The following RUFY1 variants were observed in gnomAD, a reference collection of about 807,000 sequenced individuals.
RUFY1 encodes RUN and FYVE domain-containing protein 1.
RUFY1 carries 54 observed loss-of-function variants against 94.6 expected under a neutral mutation model. That is an observed-to-expected ratio of 0.57 (90% CI 0.46 to 0.72). The LOEUF is 0.72. Among genes scored for constraint, RUFY1 ranks in the 30% least tolerant of loss-of-function variants. The pLI is 0.00. For synonymous variants in RUFY1, 396 were observed against 347.3 expected, an observed-to-expected ratio of 1.14 and a Z score of -1.56; for missense variants, 883 against 883.9, an observed-to-expected ratio of 1.00 and a Z score of 0.01.
chr5:179,609,287 AATG>A, intron 17 of RUFY1, 86 bp from the exon 18 acceptor site: 2 of 1,392,896 alleles, frequency 1.4e-6, no homozygotes, highest in Non-Finnish European at 2.0e-6. Flanking sequence ...ATTCCCAGCA[AATG>A]ATGCGCTTCT....
In RUFY1 at chr5:179,560,093, T is replaced by C. The variant is rs769369617; in HGVS notation, c.379T>C (p.Leu127=). The C allele has an allele frequency of 6.8e-6, 11 of 1,614,074 alleles. No homozygotes were observed. The South Asian group carries it at 1.2e-4, about 18-fold the overall frequency. Residue 127 remains leucine, a synonymous_variant, in exon 2 of 18, where the codon TTG becomes CTG. Coordinates refer to ENST00000319449, the MANE Select transcript of RUFY1 (RefSeq NM_025158.5). ...CATGATGAAACTCAGCATCAAGGTG[T>C]TGCTCCAGTCGGCTCTGAGCCTGGG... ...MHMMKLSIKV[L]LQSALSLGRS...
intron 1 of RUFY1, among the ~76,000 whole-genome samples, chr5:179,556,969 C>A (rs1762144579): frequency 6.6e-6 from 1 of 152,126 alleles, no homozygotes; most frequent in Non-Finnish European, 1.5e-5. Context: ...TGAACTCTTT[C>A]CAAGTTATAT....
chr5:179,577,759 T>TGGTCGGGCGGCGGA (rs1487165564), intron 6 of RUFY1, among the ~76,000 whole-genome samples: 7 of 145,034 alleles, frequency 4.8e-5, no homozygotes, highest in Non-Finnish European at 7.5e-5. Flanking sequence ...CACTCACCGG[T>TGGTCGGGCGGCGGA]GGTCGGGCGG....
intron 6 of RUFY1, among the ~76,000 whole-genome samples, chr5:179,577,859 CAAAAAAAAAAA>C (rs35539667): frequency 7.4e-6 from 1 of 134,358 alleles, no homozygotes; most frequent in Non-Finnish European, 1.6e-5. Context: ...TTCTCTGCAG[CAAAAAAAAAAA>C]AAAAAAAAAA....
chr5:179,593,429 T>G, intron 10 of RUFY1, 49 bp from the exon 11 acceptor site: 1 of 1,565,574 alleles, frequency 6.4e-7, no homozygotes, highest in East Asian at 2.3e-5. Context: ...GTTAAATACA[T>G]TTCTGTGATC....
intron 7 of RUFY1, 35 bp downstream of exon 7, chr5:179,581,047 A>T: frequency 7.7e-7 from 1 of 1,298,932 alleles, no homozygotes; most frequent in East Asian, 2.3e-5. Context: ...TGACAGTTAC[A>T]TACTCGGTAT....
chr5:179,575,289 G>A (rs1392014883), intron 5 of RUFY1, among the ~76,000 whole-genome samples: 4 of 152,112 alleles, frequency 2.6e-5, no homozygotes, highest in African/African-American at 4.8e-5. Context: ...AAGAGCGCAC[G>A]TGCTTACAGT....
chr5:179,555,520 C>G (rs1014417003), intron 1 of RUFY1: 14 of 284,378 alleles, frequency 4.9e-5, no homozygotes, highest in Non-Finnish European at 9.9e-5. Flanking sequence ...TGGCAAAACA[C>G]TGCCAGCAGC....
chr5:179,609,293 G>C (rs1057314196), intron 17 of RUFY1, 83 bp from the exon 18 acceptor site: 23 of 1,417,784 alleles, frequency 1.6e-5, no homozygotes, highest in Non-Finnish European at 2.2e-5. Flanking sequence ...AGCAAATGAT[G>C]CGCTTCTGGG....
At chr5:179,608,920 CAAAAAAAA>C (rs57127812) in intron 17 of RUFY1, among the ~76,000 whole-genome samples, 1 of 121,796 alleles carries the variant, frequency 8.2e-6, no homozygotes, top group Admixed American at 8.4e-5. Context: ...GACAGAGACT[CAAAAAAAA>C]AAAAAAAAGC....
At chr5:179,581,133 C>T (rs1764125473) in intron 7 of RUFY1, 121 bp downstream of exon 7, 2 of 631,858 alleles carry the variant, frequency 3.2e-6, no homozygotes, top group South Asian at 2.0e-5. Context: ...ACAAAAGGGT[C>T]ATCATTCAGG....
Position 179,600,684 on chromosome 5 carries a change from CTTTTTTTTTTTTTTTTT to C in RUFY1, c.1762-1194_1762-1178del, listed in dbSNP as rs398000079. Among the ~76,000 whole-genome samples the C allele has an allele frequency of 3.2e-3, 175 of 54,738 alleles. 2 individuals carry two copies. Among genetic ancestry groups the C allele is most frequent in the African/African-American group, 0.013 (163 of 12,472 alleles). The allele number at this position is 54,738 out of a possible 152,430, so 35.9% of individuals were successfully genotyped here. On this transcript the variant is annotated intron_variant, in intron 14 of 17. Coordinates refer to ENST00000319449, the MANE Select transcript of RUFY1 (RefSeq NM_025158.5). ...AGCCTCATTTGTCCTATGATGGTAA[CTTTTTTTTTTTTTTTTT>C]TTTTTTTTTTTTTGAGACGGAGTCT...
At position 179,555,621 on chromosome 5, in the gene RUFY1, C is replaced by CTTT. The variant is rs10556244; in HGVS notation, c.311-4381_311-4379dup. ...TGTAACCCCCTAAGAAAACTCCCAA[C>CTTT]TTTTTTTTTTTTTTTTTTTTTTTTT... On this transcript the variant is annotated intron_variant, in intron 1 of 17. Transcript: ENST00000319449. 2,408 of 249,400 alleles carry CTTT rather than the reference C, an allele frequency of 9.7e-3. 80 individuals carry two copies. The highest frequency in any genetic ancestry group is 0.052 in the African/African-American group (1,118 of 21,578). 15.4% of individuals were successfully genotyped at this position (249,400 alleles called of 1,614,324 possible).
chr5:179,578,419 A>G (rs1247912311), intron 6 of RUFY1, among the ~76,000 whole-genome samples: 1 of 151,030 alleles, frequency 6.6e-6, no homozygotes, highest in Non-Finnish European at 1.5e-5. Context: ...GGGTTTCACC[A>G]TATTGGCCAG....
At position 179,550,884 on chromosome 5, in the gene RUFY1, G is replaced by T. The variant is rs959992635; in HGVS notation, c.310+5G>T. The T allele has an allele frequency of 1.7e-6, 2 of 1,152,816 alleles. No homozygotes were observed. Among genetic ancestry groups the T allele is most frequent in the African/African-American group, 1.6e-5 (1 of 60,910 alleles). The allele number at this position is 1,152,816 out of a possible 1,614,324, so 71.4% of individuals were successfully genotyped here. On this transcript the variant is annotated splice_donor_5th_base_variant and intron_variant, in intron 1 of 17. Coordinates refer to ENST00000319449, the MANE Select transcript of RUFY1 (RefSeq NM_025158.5). ...GGGACGGCACGGCGCGCGCAGGTAG[G>T]CTCGGGCCGGGTCTGTCCCGCGGCG... is the stretch of plus-strand genomic sequence containing the variant.
chr5:179,594,940 C>T lies in RUFY1; in HGVS notation c.1488C>T (p.Ser496=). The T allele has an allele frequency of 1.2e-6, 2 of 1,611,190 alleles. No individual in the cohort carries two copies. Among genetic ancestry groups the T allele is most frequent in the Non-Finnish European group, 1.7e-6 (2 of 1,177,738 alleles). The change falls in exon 12 of 18, where the codon TCC becomes TCT. Residue 496 remains serine, a synonymous_variant. Coordinates refer to ENST00000319449, the MANE Select transcript of RUFY1 (RefSeq NM_025158.5). Reference sequence around the variant, plus strand: ...AAGGAAAAACCAACCAAGTTATGTCCAGCATGAAACAAATGGAAGAAAGGT... The same window carrying T: ...AAGGAAAAACCAACCAAGTTATGTCTAGCATGAAACAAATGGAAGAAAGGT... ...SFEGKTNQVM[S]SMKQMEERLQ... is the part of the protein sequence containing the mutation.
Position 179,559,775 on chromosome 5 carries a change from G to A in RUFY1, c.311-250G>A, listed in dbSNP as rs181813693. 16 of 1,242,558 alleles carry A rather than the reference G, an allele frequency of 1.3e-5. No individual in the cohort carries two copies. The Admixed American group carries it at 2.1e-4, about 16-fold the overall frequency. 77.0% of individuals were successfully genotyped at this position (1,242,558 alleles called of 1,614,324 possible). A position where few individuals can be genotyped will look rare whatever the true frequency, so the allele number is the denominator to read the frequency against. ...GCCGTAGCAACGCGCGGAGCCGTCT[G>A]GGAGAGGCCTCTGGAGCAGGAGGCC... On this transcript the variant is annotated intron_variant, in intron 1 of 17. Transcript: ENST00000319449.
At chr5:179,552,245 G>C (rs556631414) in intron 1 of RUFY1, among the ~76,000 whole-genome samples, 1 of 151,138 alleles carries the variant, frequency 6.6e-6, no homozygotes, top group East Asian at 2.0e-4. Flanking sequence ...TGTGTGGCCA[G>C]TGGCTACTGT....
chr5:179,560,126 C>T lies in RUFY1; in HGVS notation c.412C>T (p.Leu138=), dbSNP rs1216109071. ...GTCGGCTCTGAGCCTGGGCCGCAGC[C>T]TGGATGCGGACCATGCCCCCTTGCA... ...LQSALSLGRS[L]DADHAPLQQF... is the part of the protein sequence containing the mutation. Residue 138 remains leucine, a synonymous_variant, in exon 2 of 18, where the codon CTG becomes TTG. Transcript: ENST00000319449. 4.3e-6 allele frequency: 7 copies of T among 1,613,990 alleles called. No individual in the cohort carries two copies. Among genetic ancestry groups the T allele is most frequent in the Non-Finnish European group, 5.9e-6 (7 of 1,180,020 alleles).
Sources: gnomAD v4.1 joint callset for allele counts (sites outside exome capture counted in the v4.1 genomes callset) on GRCh38, gnomAD v4.1.1 for gene constraint, MANE v1.5 for transcripts, NCBI Gene and HGNC (gene_info 2026-07-23, HGNC 2026-07-21) for gene names.